The following TRAFD1 variants were observed in gnomAD, a reference collection of about 807,000 sequenced individuals.
TRAFD1 encodes TRAF-type zinc finger domain containing 1.
A neutral mutation model predicts 65.3 loss-of-function variants in TRAFD1; 38 were observed. That is an observed-to-expected ratio of 0.58 (90% CI 0.45 to 0.76). The LOEUF is 0.76. Among genes scored for constraint, TRAFD1 ranks in the 30% least tolerant of loss-of-function variants. TRAFD1 has a pLI of 0.00. For missense variants in TRAFD1, 631 were observed against 712.6 expected (o/e 0.89, Z 1.30); for synonymous variants, 223 against 257.2 (o/e 0.87, Z 1.27).
At position 112,152,753 on chromosome 12, in the gene TRAFD1, C is replaced by G. The variant is rs536659109; in HGVS notation, c.1711C>G (p.Gln571Glu). The G allele has an allele frequency of 6.2e-7, 1 of 1,614,200 alleles. No homozygotes were observed. Among genetic ancestry groups the G allele is most frequent in the Non-Finnish European group, 8.5e-7 (1 of 1,180,034 alleles). Residue 571 changes from glutamine to glutamate, a missense_variant, in exon 12 of 12, where the codon CAG becomes GAG. Gln to Glu is a conservative substitution (Grantham distance 29). Transcript: ENST00000412615. The surrounding 1 kb of genome is among the most constrained non-coding windows in gnomAD (Gnocchi z 5.0). ...TCACCAGGCAAAGCCTTCCAAGCAA[C>G]AGGGAGCTGGGGATGCAGAAGAGGA... ...RTAKAKPSKQ[Q>E]GAGDAEEEEE...
chr12:112,138,218 C>T (rs766261522), intron 4 of TRAFD1, among the ~76,000 whole-genome samples: 11 of 151,706 alleles, frequency 7.3e-5, no homozygotes, highest in East Asian at 1.9e-4. Flanking sequence ...CCAGCCTAGG[C>T]GACAAAGTAA....
At chr12:112,141,432 T>C in intron 5 of TRAFD1, 1 of 620,632 alleles carries the variant, frequency 1.6e-6, no homozygotes, top group South Asian at 2.1e-5. Context: ...GATGACAGTG[T>C]TGTAAATAGC....
chr12:112,149,144 G>A (rs777020305), intron 8 of TRAFD1, among the ~76,000 whole-genome samples: 1 of 150,978 alleles, frequency 6.6e-6, no homozygotes, highest in Non-Finnish European at 1.5e-5. Context: ...CTTGAACCTG[G>A]GAGGCAGAGG....
intron 4 of TRAFD1, chr12:112,139,981 C>A: frequency 5.6e-6 from 1 of 179,552 alleles, no homozygotes. Flanking sequence ...ATGCACACCA[C>A]TCTGTCGCTG....
At chr12:112,143,859 T>C (rs1224997245) in intron 6 of TRAFD1, among the ~76,000 whole-genome samples, 3 of 151,218 alleles carry the variant, frequency 2.0e-5, no homozygotes, top group African/African-American at 4.9e-5. Flanking sequence ...CAGTCTCCGA[T>C]GTAGCTGGGA....
In TRAFD1 at chr12:112,141,107, G is replaced by A; in HGVS notation, c.526G>A (p.Asp176Asn). The change falls in exon 5 of 12, where the codon GAC becomes AAC. Residue 176 changes from aspartate to asparagine, a missense_variant. Coordinates refer to ENST00000412615, the MANE Select transcript of TRAFD1 (RefSeq NM_006700.3). ...ACTCCTCAGACAAATTGAGGCTCTG[G>A]ACCCACCCATGAGGCTGCCGCGAAG... is the stretch of plus-strand genomic sequence containing the variant. ...SQLLRQIEAL[D>N]PPMRLPRRPL... 6.2e-7 allele frequency: 1 copy of A among 1,614,178 alleles called. No homozygotes were observed. Among genetic ancestry groups the A allele is most frequent in the South Asian group, 1.1e-5 (1 of 91,080 alleles).
At chr12:112,149,211 CTG>C (rs1337707858) in intron 8 of TRAFD1, 4 of 151,510 alleles carry the variant, frequency 2.6e-5, no homozygotes, top group Non-Finnish European at 5.9e-5. Context: ...GAGCGAGACT[CTG>C]TCTCAAAAAA....
At chr12:112,129,539 C>T (rs958002674) in intron 1 of TRAFD1, among the ~76,000 whole-genome samples, 4 of 152,006 alleles carry the variant, frequency 2.6e-5, no homozygotes, top group Non-Finnish European at 5.9e-5. Flanking sequence ...AGATTAGTTA[C>T]TAGTATTGTA....
intron 6 of TRAFD1, 21 bp from the exon 7 acceptor site, chr12:112,145,565 A>C: frequency 6.2e-7 from 1 of 1,613,594 alleles, no homozygotes; most frequent in Non-Finnish European, 8.5e-7. Context: ...CCTGAGTCTC[A>C]TTGTGTGGCC....
chr12:112,146,669 T>G (rs1254184168), intron 7 of TRAFD1, among the ~76,000 whole-genome samples: 3 of 152,238 alleles, frequency 2.0e-5, no homozygotes, highest in Non-Finnish European at 2.9e-5. Flanking sequence ...TTGGTTCAGA[T>G]GTGACTTTAT....
Position 112,137,607 on chromosome 12 carries a change from A to G in TRAFD1, c.237+2541A>G, listed in dbSNP as rs966804749. ...GAAACCCCGTCTCTACTAAAAATACATAAAATTAGCTGGGCGTGGTGGCGG... is the reference window on the plus strand; with the variant it reads ...GAAACCCCGTCTCTACTAAAAATACGTAAAATTAGCTGGGCGTGGTGGCGG... On this transcript the variant is annotated intron_variant, in intron 4 of 11. Coordinates refer to ENST00000412615, the MANE Select transcript of TRAFD1 (RefSeq NM_006700.3). The surrounding 1 kb of genome is among the most constrained non-coding windows in gnomAD (Gnocchi z 4.2). 6.6e-6 allele frequency among the ~76,000 whole-genome samples: 1 copy of G among 151,710 alleles called. No homozygotes were observed. Among genetic ancestry groups the G allele is most frequent in the Non-Finnish European group, 1.5e-5 (1 of 67,892 alleles).
chr12:112,136,280 G>A (rs989297088), intron 4 of TRAFD1, among the ~76,000 whole-genome samples: 70 of 138,354 alleles, frequency 5.1e-4, no homozygotes, highest in Non-Finnish European at 9.5e-5. Context: ...TCAGCCCAAA[G>A]TTTTTTTTTT....
intron 9 of TRAFD1, among the ~76,000 whole-genome samples, chr12:112,150,925 C>T (rs1177439534): frequency 1.3e-5 from 2 of 151,848 alleles, no homozygotes; most frequent in Non-Finnish European, 2.9e-5. Flanking sequence ...TTTGAAACCT[C>T]ACCACTACAA....
intron 6 of TRAFD1, among the ~76,000 whole-genome samples, chr12:112,143,231 C>A (rs760327969): frequency 2.0e-5 from 3 of 151,698 alleles, no homozygotes; most frequent in Non-Finnish European, 4.4e-5. Context: ...AGGCGCCCAC[C>A]ACTACACCCG....
rs2030445449 is a variant in TRAFD1, at chr12:112,152,786, G to T, written c.1744G>T (p.Glu582Ter). The T allele has an allele frequency of 1.2e-6, 2 of 1,614,152 alleles. No individual in the cohort carries two copies. Among genetic ancestry groups the T allele is most frequent in the East Asian group, 2.2e-5 (1 of 44,888 alleles). The change falls in exon 12 of 12, where the codon GAG becomes TAG. Residue 582 changes from glutamate to a stop codon, truncating the protein, a stop_gained. Coordinates refer to ENST00000412615, the MANE Select transcript of TRAFD1 (RefSeq NM_006700.3). LOFTEE classifies it high-confidence loss of function. This position sits in a 1 kb window ranked among gnomAD's most constrained non-coding sequence, Gnocchi z 5.0. ...TGGGGATGCAGAAGAGGAAGAGGAG[G>T]AGTAATGGTGTCTCCAGAGACTTTA... ...GAGDAEEEEE[E>*]
In TRAFD1 at chr12:112,145,797, T is replaced by C. The variant is rs992038313; in HGVS notation, c.927+135T>C. On this transcript the variant is annotated intron_variant, in intron 7 of 11. Coordinates refer to ENST00000412615, the MANE Select transcript of TRAFD1 (RefSeq NM_006700.3). ...TAGGAATAGCAAGTGTTCTTTTCCATGATGTGAGTGGCATACAGATATGAA... is the reference window on the plus strand; with the variant it reads ...TAGGAATAGCAAGTGTTCTTTTCCACGATGTGAGTGGCATACAGATATGAA... 2.5e-5 allele frequency: 19 copies of C among 752,260 alleles called. No homozygotes were observed. In the Admixed American group the frequency reaches 3.0e-4, roughly 12 times the overall value. The allele number at this position is 752,260 out of a possible 1,614,324, so 46.6% of individuals were successfully genotyped here. A position where few individuals can be genotyped will look rare whatever the true frequency, so the allele number is the denominator to read the frequency against.
At chr12:112,150,245 T>C (rs2030363562) in intron 9 of TRAFD1, among the ~76,000 whole-genome samples, 1 of 152,130 alleles carries the variant, frequency 6.6e-6, no homozygotes, top group African/African-American at 2.4e-5. Flanking sequence ...TCAAACCTAT[T>C]ATTATTATTT....
chr12:112,125,733 G>A (rs1214443086), intron 1 of TRAFD1, 115 bp downstream of exon 1: 2 of 152,294 alleles, frequency 1.3e-5, no homozygotes, highest in East Asian at 3.8e-4. Flanking sequence ...CCGGGGTCGC[G>A]GCTGTGAGGA....
rs2030426503 is a variant in TRAFD1 at position 112,152,100 on chromosome 12, C to A, written c.1579C>A (p.Pro527Thr). 1 of 1,613,752 alleles carries A rather than the reference C, an allele frequency of 6.2e-7. No homozygotes were observed. The highest frequency in any genetic ancestry group is 1.3e-5 in the African/African-American group (1 of 74,926). Reference sequence around the variant, plus strand: ...AAATCTCTACCCAGAAAACATTGTGCCCTCTTTCTCCCCTGGGCCTTCAGG... The same window carrying A: ...AAATCTCTACCCAGAAAACATTGTGACCTCTTTCTCCCCTGGGCCTTCAGG... ...PQNLYPENIV[P>T]SFSPGPSGRY... Residue 527 changes from proline (P) to threonine (T), a missense_variant, in exon 10 of 12, where the codon CCC becomes ACC. Pro to Thr is a conservative substitution (Grantham distance 38). Transcript: ENST00000412615. The surrounding 1 kb of genome is among the most constrained non-coding windows in gnomAD (Gnocchi z 5.0).
Sources: gnomAD v4.1 joint callset for allele counts (sites outside exome capture counted in the v4.1 genomes callset) on GRCh38, gnomAD v4.1.1 for gene constraint, Gnocchi (gnomAD v3.1) non-coding constraint, MANE v1.5 for transcripts, NCBI Gene and HGNC (gene_info 2026-07-23, HGNC 2026-07-21) for gene names.